The following HOXA1 variants were observed in gnomAD, a reference collection of about 807,000 sequenced individuals.
HOXA1 encodes homeobox A1.
Under a neutral mutation model 28.3 loss-of-function variants are expected in HOXA1, and 21 were observed. The observed-to-expected ratio is 0.74, with a 90% CI of 0.53 to 1.07. The LOEUF (loss-of-function observed/expected upper bound fraction) is 1.07, where lower values mean the gene tolerates loss of function less well. Ranked by LOEUF, HOXA1 falls within the 50% of genes least tolerant of loss-of-function variation. The pLI, the probability that HOXA1 is intolerant of heterozygous loss-of-function variation, is 0.00. For missense variants in HOXA1, 446 were observed against 434.3 expected (o/e 1.03, Z -0.24); for synonymous variants, 208 against 181.2 (o/e 1.15, Z -1.19).
rs781616537 is a variant in HOXA1 at position 27,095,848 on chromosome 7, G to T, written c.65C>A (p.Thr22Asn). 1 of 1,613,838 alleles carries T rather than the reference G, an allele frequency of 6.2e-7. No individual in the cohort carries two copies. Among genetic ancestry groups the T allele is most frequent in the Non-Finnish European group, 8.5e-7 (1 of 1,179,874 alleles). The stretch of plus-strand genomic sequence containing the variant: ...CGAGGGGTAGGCTCGGGCTGAGCAG[G>T]TCCCCGAGTCGCCACTGCTAAGTAT... ...YPILSSGDSG[T>N]CSARAYPSDH... Residue 22 changes from threonine to asparagine, a missense_variant, in exon 1 of 2, where the codon ACC becomes AAC. Transcript: ENST00000643460.
At position 27,094,122 on chromosome 7, in the gene HOXA1, G is replaced by A; in HGVS notation, c.*318C>T. On this transcript the variant is annotated 3_prime_UTR_variant, in exon 2 of 2. Transcript: ENST00000643460. ...AGATTCCTTCTGGCATGTTTCTGTT[G>A]GCAAAGGGAACTATTTTCCAAAAGG... 1 of 347,138 alleles carries A rather than the reference G, an allele frequency of 2.9e-6. No individual in the cohort carries two copies. Among genetic ancestry groups the A allele is most frequent in the Non-Finnish European group, 5.5e-6 (1 of 182,848 alleles). 21.5% of individuals were successfully genotyped at this position (347,138 alleles called of 1,614,324 possible). A position where few individuals can be genotyped will look rare whatever the true frequency, so the allele number is the denominator to read the frequency against.
chr7:27,094,320 T>G lies in HOXA1; in HGVS notation c.*120A>C. ...TTATCCTGGCCAGGAGCTCCCCAGATAGGATTAGAAAGGAAGAAAGAGACT... is the reference window on the plus strand; with the variant it reads ...TTATCCTGGCCAGGAGCTCCCCAGAGAGGATTAGAAAGGAAGAAAGAGACT... On this transcript the variant is annotated 3_prime_UTR_variant, in exon 2 of 2. Coordinates refer to ENST00000643460, the MANE Select transcript of HOXA1 (RefSeq NM_005522.5). 1.3e-6 allele frequency: 1 copy of G among 767,332 alleles called. No individual in the cohort carries two copies. Among genetic ancestry groups the G allele is most frequent in the Non-Finnish European group, 2.3e-6 (1 of 438,132 alleles). The allele number at this position is 767,332 out of a possible 1,614,324, so 47.5% of individuals were successfully genotyped here. A position where few individuals can be genotyped will look rare whatever the true frequency, so the allele number is the denominator to read the frequency against.
Position 27,095,521 on chromosome 7 carries a change from T to C in HOXA1, c.392A>G (p.Tyr131Cys). The C allele has an allele frequency of 6.2e-7, 1 of 1,613,616 alleles. No homozygotes were observed. The highest frequency in any genetic ancestry group is 1.7e-5 in the Admixed American group (1 of 59,980). ...GGYPQCAPAV[Y>C]SGNLSSPMVQ... Reference sequence around the variant, plus strand: ...CATGGGAGATGAGAGATTTCCAGAGTAAACAGCGGGAGCGCACTGGGGGTA... The same window carrying C: ...CATGGGAGATGAGAGATTTCCAGAGCAAACAGCGGGAGCGCACTGGGGGTA... Residue 131 changes from tyrosine to cysteine, a missense_variant, in exon 1 of 2, where the codon TAC becomes TGC. Coordinates refer to ENST00000643460, the MANE Select transcript of HOXA1 (RefSeq NM_005522.5).
At position 27,095,541 on chromosome 7, in the gene HOXA1, G is replaced by C. The variant is rs371597524; in HGVS notation, c.372C>G (p.Pro124=). 2.5e-6 allele frequency: 4 copies of C among 1,614,106 alleles called. No individual in the cohort carries two copies. The highest frequency in any genetic ancestry group is 1.7e-5 in the Admixed American group (1 of 60,016). ...NQEADVSGGY[P]QCAPAVYSGN... is the part of the protein sequence containing the mutation. ...CAGAGTAAACAGCGGGAGCGCACTGGGGGTACCCACCACTTACGTCTGCTT... is the reference window on the plus strand; with the variant it reads ...CAGAGTAAACAGCGGGAGCGCACTGCGGGTACCCACCACTTACGTCTGCTT... Residue 124 remains proline (P), a synonymous_variant, in exon 1 of 2, where the codon CCC becomes CCG. Coordinates refer to ENST00000643460, the MANE Select transcript of HOXA1 (RefSeq NM_005522.5).
Position 27,094,747 on chromosome 7 carries a change from G to A in HOXA1, c.701C>T (p.Thr234Ile), listed in dbSNP as rs1379213876. The A allele has an allele frequency of 1.9e-6, 3 of 1,613,946 alleles. No homozygotes were observed. The African/African-American group carries it at 4.0e-5, about 22-fold the overall frequency. Residue 234 changes from threonine (T) to isoleucine (I), a missense_variant, in exon 2 of 2, where the codon ACC (threonine) becomes ATC (isoleucine). By Grantham distance (89) the Thr-to-Ile change is moderately conservative. Coordinates refer to ENST00000643460, the MANE Select transcript of HOXA1 (RefSeq NM_005522.5). The part of the protein sequence containing the change: ...GYLGQPNAVR[T>I]NFTTKQLTEL... Reference sequence around the variant, plus strand: ...CGTGAGCTGCTTGGTAGTGAAGTTGGTGCGCACCGCGTTGGGTTGACCCAG... The same window carrying A: ...CGTGAGCTGCTTGGTAGTGAAGTTGATGCGCACCGCGTTGGGTTGACCCAG...
In HOXA1 at chr7:27,094,035, A is replaced by G. The variant is rs1377498058; in HGVS notation, c.*405T>C. On this transcript the variant is annotated 3_prime_UTR_variant, in exon 2 of 2. Transcript: ENST00000643460. ...TGAGCTCCTGGACTCGCCTTTCGCT[A>G]TATCCTACTTTCAAGGACAAGGGAG... The G allele has an allele frequency of 3.9e-5, 8 of 204,480 alleles. No individual in the cohort carries two copies. Among genetic ancestry groups the G allele is most frequent in the Non-Finnish European group, 6.1e-5 (6 of 98,432 alleles). The allele number at this position is 204,480 out of a possible 1,614,324, so 12.7% of individuals were successfully genotyped here.
rs1562698259 is a variant in HOXA1, at chr7:27,093,148, G to A, written c.*1292C>T. 1 of 152,554 alleles carries A rather than the reference G, an allele frequency of 6.6e-6. No individual in the cohort carries two copies. Among genetic ancestry groups the A allele is most frequent in the Admixed American group, 6.5e-5 (1 of 15,276 alleles). 9.5% of individuals were successfully genotyped at this position (152,554 alleles called of 1,614,324 possible). On this transcript the variant is annotated 3_prime_UTR_variant, in exon 2 of 2. Transcript: ENST00000643460. ...AGTCTTTTTTTCCATTATGAGCTTT[G>A]ATTATAATAAAGGAGCTGTTATTAA...
In HOXA1 at chr7:27,095,797, G is replaced by T. The variant is rs1256014482; in HGVS notation, c.116C>A (p.Ser39Ter). The change falls in exon 1 of 2, where the codon TCG becomes TAG. Residue 39 changes from serine to a stop codon, truncating the protein, a stop_gained. Transcript: ENST00000643460. LOFTEE classifies it high-confidence loss of function. Reference sequence around the variant, plus strand: ...GCAACTGTTGGCGCTGACCGCGCACGACTGGAAAGTTGTAATCCTATGGTC... The same window carrying T: ...GCAACTGTTGGCGCTGACCGCGCACTACTGGAAAGTTGTAATCCTATGGTC... ...PSDHRITTFQ[S>*]CAVSANSCGG... The T allele has an allele frequency of 6.2e-7, 1 of 1,613,570 alleles. No individual in the cohort carries two copies. The highest frequency in any genetic ancestry group is 2.2e-5 in the East Asian group (1 of 44,880).
chr7:27,094,919 C>A, intron 1 of HOXA1, 124 bp from the exon 2 acceptor site: 1 of 770,172 alleles, frequency 1.3e-6, no homozygotes, highest in South Asian at 1.6e-5. Flanking sequence ...ACAAATCGGG[C>A]TGTGGAGGGT....
At position 27,095,420 on chromosome 7, in the gene HOXA1, C is replaced by T; in HGVS notation, c.493G>A (p.Gly165Arg). ...AGGGCCAGGCTCTGGTGCTCCTGTC[C>T]ATATGAGTGGTGAATGTATTGAGGC... Reference protein sequence around the residue: ...GSPQYIHHSYGQEHQSLALAT... With the variant: ...GSPQYIHHSYRQEHQSLALAT... The change falls in exon 1 of 2, where the codon GGA becomes AGA. Residue 165 changes from glycine (G) to arginine (R), a missense_variant. Transcript: ENST00000643460. 2 of 1,614,066 alleles carry T rather than the reference C, an allele frequency of 1.2e-6. No homozygotes were observed. The highest frequency in any genetic ancestry group is 8.5e-7 in the Non-Finnish European group (1 of 1,180,020).
chr7:27,095,164 CT>C, intron 1 of HOXA1, 96 bp downstream of exon 1: 1 of 1,374,078 alleles, frequency 7.3e-7, no homozygotes, highest in Non-Finnish European at 1.0e-6. Flanking sequence ...ATACAAAAGC[CT>C]TTTAAAAAAA....
In HOXA1 at chr7:27,094,358, A is replaced by C. The variant is rs1783765008; in HGVS notation, c.*82T>G. 1.1e-6 allele frequency: 1 copy of C among 951,858 alleles called. No homozygotes were observed. Among genetic ancestry groups the C allele is most frequent in the Admixed American group, 1.7e-5 (1 of 57,526 alleles). The allele number at this position is 951,858 out of a possible 1,614,324, so 59.0% of individuals were successfully genotyped here. A position where few individuals can be genotyped will look rare whatever the true frequency, so the allele number is the denominator to read the frequency against. On this transcript the variant is annotated 3_prime_UTR_variant, in exon 2 of 2. Transcript: ENST00000643460. ...GAAGAAAGAGACTGTAAATGGAAAG[A>C]AAGATAAGCTAAGCATGTGCTTTGG...
chr7:27,095,670 C>T lies in HOXA1; in HGVS notation c.243G>A (p.Gln81=). ...HHRHPQPATY[Q]TSGNLGVSYS... is the part of the protein sequence containing the mutation. ...AGGACACCCCCAGGTTCCCGGAAGT[C>T]TGGTAGGTAGCCGGCTGGGGGTGGC... Residue 81 remains glutamine (Q), a synonymous_variant, in exon 1 of 2, where the codon CAG becomes CAA. Coordinates refer to ENST00000643460, the MANE Select transcript of HOXA1 (RefSeq NM_005522.5). 6.2e-7 allele frequency: 1 copy of T among 1,613,878 alleles called. No individual in the cohort carries two copies. Among genetic ancestry groups the T allele is most frequent in the East Asian group, 2.2e-5 (1 of 44,832 alleles).
rs1220099285 is a variant in HOXA1, at chr7:27,095,436, G to A, written c.477C>T (p.Tyr159=). 8 of 1,614,094 alleles carry A rather than the reference G, an allele frequency of 5.0e-6. No homozygotes were observed. Among genetic ancestry groups the A allele is most frequent in the Non-Finnish European group, 6.8e-6 (8 of 1,180,002 alleles). Reference sequence around the variant, plus strand: ...GCTCCTGTCCATATGAGTGGTGAATGTATTGAGGCGAGCCCACCGCGCCCC... The same window carrying A: ...GCTCCTGTCCATATGAGTGGTGAATATATTGAGGCGAGCCCACCGCGCCCC... ...YAGGAVGSPQ[Y]IHHSYGQEHQ... Residue 159 remains tyrosine (Y), a synonymous_variant, in exon 1 of 2, where the codon TAC becomes TAT. Transcript: ENST00000643460.
Position 27,093,837 on chromosome 7 carries a change from C to T in HOXA1, c.*603G>A, listed in dbSNP as rs1001790756. 2 of 153,156 alleles carry T rather than the reference C, an allele frequency of 1.3e-5. No homozygotes were observed. Among genetic ancestry groups the T allele is most frequent in the Non-Finnish European group, 2.9e-5 (2 of 68,450 alleles). 9.5% of individuals were successfully genotyped at this position (153,156 alleles called of 1,614,324 possible). A position where few individuals can be genotyped will look rare whatever the true frequency, so the allele number is the denominator to read the frequency against. On this transcript the variant is annotated 3_prime_UTR_variant, in exon 2 of 2. Transcript: ENST00000643460. ...TTTTCTTTCACCTATAAAATTGTACCAGTTTAGAGAGTTTGCCCACCCTGT... is the reference window on the plus strand; with the variant it reads ...TTTTCTTTCACCTATAAAATTGTACTAGTTTAGAGAGTTTGCCCACCCTGT...
chr7:27,095,854 G>C lies in HOXA1; in HGVS notation c.59C>G (p.Ser20Trp). Residue 20 changes from serine to tryptophan, a missense_variant, in exon 1 of 2, where the codon TCG (serine) becomes TGG (tryptophan). By Grantham distance (177) the Ser-to-Trp change is radical. Coordinates refer to ENST00000643460, the MANE Select transcript of HOXA1 (RefSeq NM_005522.5). ...LEYPILSSGD[S>W]GTCSARAYPS... is the part of the protein sequence containing the mutation. ...GTAGGCTCGGGCTGAGCAGGTCCCCGAGTCGCCACTGCTAAGTATGGGGTA... is the reference window on the plus strand; with the variant it reads ...GTAGGCTCGGGCTGAGCAGGTCCCCCAGTCGCCACTGCTAAGTATGGGGTA... 6.2e-7 allele frequency: 1 copy of C among 1,613,888 alleles called. No individual in the cohort carries two copies. The highest frequency in any genetic ancestry group is 8.5e-7 in the Non-Finnish European group (1 of 1,179,932).
In HOXA1 at chr7:27,093,858, CCT is replaced by C. The variant is rs1366511288; in HGVS notation, c.*580_*581del. 1.3e-5 allele frequency: 2 copies of C among 154,316 alleles called. No individual in the cohort carries two copies. The highest frequency in any genetic ancestry group is 2.9e-5 in the Non-Finnish European group (2 of 69,142). 9.6% of individuals were successfully genotyped at this position (154,316 alleles called of 1,614,324 possible). ...GTACCAGTTTAGAGAGTTTGCCCAC[CCT>C]GTTTTAGTAACCTAAACATTTCTAG... On this transcript the variant is annotated 3_prime_UTR_variant, in exon 2 of 2. Coordinates refer to ENST00000643460, the MANE Select transcript of HOXA1 (RefSeq NM_005522.5).
Position 27,095,763 on chromosome 7 carries a change from G to A in HOXA1, c.150C>T (p.Asp50=). 6.2e-7 allele frequency: 1 copy of A among 1,613,058 alleles called. No individual in the cohort carries two copies. The highest frequency in any genetic ancestry group is 1.1e-5 in the South Asian group (1 of 91,068). Residue 50 remains aspartate, a synonymous_variant, in exon 1 of 2, where the codon GAC becomes GAT. Transcript: ENST00000643460. ...CAVSANSCGG[D]DRFLVGRGVQ... ...CCCCCCTGCCCACTAGGAAGCGGTC[G>A]TCGCCGCCGCAACTGTTGGCGCTGA...
chr7:27,093,603 G>A lies in HOXA1; in HGVS notation c.*837C>T, dbSNP rs1358325960. The A allele has an allele frequency of 2.0e-5, 3 of 152,582 alleles. No individual in the cohort carries two copies. Among genetic ancestry groups the A allele is most frequent in the Non-Finnish European group, 4.4e-5 (3 of 68,030 alleles). 9.5% of individuals were successfully genotyped at this position (152,582 alleles called of 1,614,324 possible). A position where few individuals can be genotyped will look rare whatever the true frequency, so the allele number is the denominator to read the frequency against. Reference sequence around the variant, plus strand: ...CCAGCTAAGATAACTGTGGAAGGAAGAAATTGGTTTGAATAATACTTTTAG... The same window carrying A: ...CCAGCTAAGATAACTGTGGAAGGAAAAAATTGGTTTGAATAATACTTTTAG... On this transcript the variant is annotated 3_prime_UTR_variant, in exon 2 of 2. Coordinates refer to ENST00000643460, the MANE Select transcript of HOXA1 (RefSeq NM_005522.5).
Sources: gnomAD v4.1 joint callset for allele counts on GRCh38, gnomAD v4.1.1 for gene constraint, MANE v1.5 for transcripts, NCBI Gene and HGNC (gene_info 2026-07-23, HGNC 2026-07-21) for gene names.